The following CNTN5 variants were observed in gnomAD, a reference collection of about 807,000 sequenced individuals.
CNTN5 encodes contactin-5.
In CNTN5, 77 loss-of-function variants were observed where a neutral mutation model predicts 129.1. The observed-to-expected ratio is 0.60, with a 90% CI of 0.50 to 0.72. The LOEUF (loss-of-function observed/expected upper bound fraction) is 0.72. CNTN5 is among the 30% of genes least tolerant of loss of function. CNTN5 has a pLI of 0.00. For missense variants in CNTN5, 1,478 were observed against 1,328.8 expected, an observed-to-expected ratio of 1.11 and a Z score of -1.75; for synonymous variants, 509 against 465.6, an observed-to-expected ratio of 1.09 and a Z score of -1.20.
At chr11:99,084,598 T>A (rs554610471) in intron 1 of CNTN5, among the ~76,000 whole-genome samples, 1 of 152,332 alleles carries the variant, frequency 6.6e-6, no homozygotes, top group East Asian at 1.9e-4. Context: ...TCTTAACATT[T>A]TTTGTTACCT....
chr11:99,434,388 C>G (rs962294010), intron 2 of CNTN5, among the ~76,000 whole-genome samples: 2 of 151,980 alleles, frequency 1.3e-5, no homozygotes, highest in Non-Finnish European at 2.9e-5. Flanking sequence ...ACTTGAGATT[C>G]GGAGGTTTTT....
chr11:99,858,282 A>G (rs1466500633), intron 6 of CNTN5, among the ~76,000 whole-genome samples: 1 of 152,174 alleles, frequency 6.6e-6, no homozygotes, highest in Admixed American at 6.5e-5. Flanking sequence ...GGTCATTTAT[A>G]TCAATTCTGT....
At chr11:100,160,545 G>A (rs1484369676) in intron 13 of CNTN5, among the ~76,000 whole-genome samples, 1 of 151,906 alleles carries the variant, frequency 6.6e-6, no homozygotes, top group Non-Finnish European at 1.5e-5. Flanking sequence ...AGAGAAGAGA[G>A]TGAAAGAGTG....
intron 8 of CNTN5, among the ~76,000 whole-genome samples, chr11:100,000,143 A>T (rs1939764670): frequency 6.6e-6 from 1 of 152,010 alleles, no homozygotes; most frequent in South Asian, 2.1e-4. Context: ...TGTATCCTAA[A>T]ACTTAAAGTA....
At chr11:99,621,055 A>C (rs1031605829) in intron 3 of CNTN5, among the ~76,000 whole-genome samples, 3 of 152,156 alleles carry the variant, frequency 2.0e-5, no homozygotes, top group Admixed American at 2.0e-4. Flanking sequence ...GTCTACCTGC[A>C]TGGAGTACGG....
intron 3 of CNTN5, among the ~76,000 whole-genome samples, chr11:99,617,632 G>T (rs1950802476): frequency 6.6e-6 from 1 of 152,056 alleles, no homozygotes. Flanking sequence ...TTCTAGAGGA[G>T]ATTTTTTCGA....
intron 20 of CNTN5, among the ~76,000 whole-genome samples, chr11:100,307,705 G>T (rs559780238): frequency 1.3e-5 from 2 of 151,476 alleles, no homozygotes; most frequent in South Asian, 4.2e-4. Context: ...GTAGTCTTGT[G>T]GTTGGAACAA....
chr11:100,181,812 C>T (rs2138455229), intron 13 of CNTN5, among the ~76,000 whole-genome samples: 1 of 152,026 alleles, frequency 6.6e-6, no homozygotes, highest in Non-Finnish European at 1.5e-5. Context: ...AAAAAGATGT[C>T]TAAGATCTAT....
rs76078767 is a variant in CNTN5 at position 99,527,033 on chromosome 11, C to G, written c.-70-29112C>G. 7.7e-3 allele frequency among the ~76,000 whole-genome samples: 1,175 copies of G among 152,302 alleles called. 17 individuals carry two copies. Among genetic ancestry groups the G allele is most frequent in the African/African-American group, 0.027 (1,129 of 41,558 alleles). On this transcript the variant is annotated intron_variant, in intron 2 of 24. Coordinates refer to ENST00000524871, the MANE Select transcript of CNTN5 (RefSeq NM_014361.4). ...CAATCACCTTTGTGCTCATTGTAAG[C>G]CTGTTAACATCTCACATATCTCCTG... is the stretch of plus-strand genomic sequence containing the variant.
chr11:99,957,514 G>T (rs1033149257), intron 8 of CNTN5, among the ~76,000 whole-genome samples: 1 of 152,130 alleles, frequency 6.6e-6, no homozygotes, highest in African/African-American at 2.4e-5. Flanking sequence ...CAGAAGTGAT[G>T]ATTCTATAAT....
intron 9 of CNTN5, among the ~76,000 whole-genome samples, chr11:100,041,656 A>G (rs1041786399): frequency 1.3e-5 from 2 of 152,248 alleles, no homozygotes; most frequent in Admixed American, 6.5e-5. Flanking sequence ...CCAATTGCCT[A>G]TAGTTGGGAC....
intron 13 of CNTN5, among the ~76,000 whole-genome samples, chr11:100,157,062 C>T (rs1162635357): frequency 6.6e-6 from 1 of 151,958 alleles, no homozygotes; most frequent in Admixed American, 6.6e-5. Flanking sequence ...TCTTGCTTCT[C>T]TTGTTCTTTT....
At chr11:99,338,958 T>G (rs4754601) in intron 2 of CNTN5, among the ~76,000 whole-genome samples, 7,388 of 122,700 alleles carry the variant, frequency 0.06, 562 homozygotes, top group East Asian at 0.34. Flanking sequence ...CTGTGATATA[T>G]ATGTGTGTGT....
chr11:99,803,270 G>A (rs768682718), intron 3 of CNTN5, among the ~76,000 whole-genome samples: 21 of 152,186 alleles, frequency 1.4e-4, no homozygotes, highest in Non-Finnish European at 2.2e-4. Flanking sequence ...ACCCAGATGA[G>A]TTCCAGTTCA....
At chr11:99,645,480 C>T (rs1278956758) in intron 3 of CNTN5, among the ~76,000 whole-genome samples, 1 of 151,922 alleles carries the variant, frequency 6.6e-6, no homozygotes, top group African/African-American at 2.4e-5. Context: ...AATCATTCTA[C>T]TATAAAGACA....
intron 3 of CNTN5, among the ~76,000 whole-genome samples, chr11:99,669,405 A>G (rs1591451842): frequency 6.6e-6 from 1 of 151,630 alleles, no homozygotes; most frequent in Non-Finnish European, 1.5e-5. Context: ...AGCCTAGATG[A>G]GCAGTTCTTG....
At chr11:99,453,223 A>G (rs1193634858) in intron 2 of CNTN5, among the ~76,000 whole-genome samples, 1 of 152,216 alleles carries the variant, frequency 6.6e-6, no homozygotes, top group Non-Finnish European at 1.5e-5. Context: ...ATTTTTTTAG[A>G]CATAGTAGTT....
At chr11:99,814,677 T>A (rs975812191) in intron 3 of CNTN5, among the ~76,000 whole-genome samples, 2 of 151,532 alleles carry the variant, frequency 1.3e-5, no homozygotes, top group African/African-American at 4.9e-5. Flanking sequence ...ATGGAGGGAG[T>A]TGAGGAAATG....
chr11:100,230,882 TA>T (rs1171647084), intron 16 of CNTN5, among the ~76,000 whole-genome samples: 1 of 152,238 alleles, frequency 6.6e-6, no homozygotes, highest in African/African-American at 2.4e-5. Context: ...TTTGGATTTA[TA>T]AATTGTAAGA....
Sources: allele counts gnomAD v4.1 joint callset (sites outside exome capture counted in the v4.1 genomes callset), GRCh38; gene constraint gnomAD v4.1.1; transcripts MANE v1.5; gene names NCBI Gene and HGNC (gene_info 2026-07-23, HGNC 2026-07-21).